The following GPC5 variants were observed in gnomAD, a reference collection of about 807,000 sequenced individuals.
GPC5 encodes the protein glypican 5.
Under a neutral mutation model 53.9 loss-of-function variants are expected in GPC5, and 47 were observed. The ratio of observed to expected loss-of-function variants is 0.87; its 90% confidence interval spans 0.69 to 1.11. The LOEUF (loss-of-function observed/expected upper bound fraction) is 1.11. GPC5 is among the 50% of genes most tolerant of loss of function. GPC5 has a pLI of 0.00. For synonymous variants in GPC5, 286 were observed against 263.3 expected, an observed-to-expected ratio of 1.09 and a Z score of -0.84; for missense variants, 748 against 713.1, an observed-to-expected ratio of 1.05 and a Z score of -0.56.
At chr13:92,765,451 A>G (rs1007450463) in intron 7 of GPC5, among the ~76,000 whole-genome samples, 8 of 152,230 alleles carry the variant, frequency 5.3e-5, no homozygotes, top group African/African-American at 1.7e-4. Context: ...GTTTTGTTCT[A>G]CTAAAAAGAA....
At chr13:91,933,607 G>A (rs764729249) in intron 6 of GPC5, among the ~76,000 whole-genome samples, 26 of 151,852 alleles carry the variant, frequency 1.7e-4, no homozygotes, top group Admixed American at 1.3e-3. Context: ...TATGCCACAC[G>A]TCCAAGTTTT....
At chr13:92,618,753 G>T (rs1211456848) in intron 7 of GPC5, among the ~76,000 whole-genome samples, 1 of 148,942 alleles carries the variant, frequency 6.7e-6, no homozygotes, top group Non-Finnish European at 1.5e-5. Flanking sequence ...TGATTAGATT[G>T]ACCACTAACA....
At chr13:92,715,241 A>G (rs1405375057) in intron 7 of GPC5, among the ~76,000 whole-genome samples, 6 of 152,324 alleles carry the variant, frequency 3.9e-5, no homozygotes, top group East Asian at 3.9e-4. Context: ...CGTCTTTTCT[A>G]TGAGAGTGTG....
chr13:91,828,362 GGT>G (rs2038606940), intron 5 of GPC5, among the ~76,000 whole-genome samples: 2 of 151,346 alleles, frequency 1.3e-5, no homozygotes, highest in South Asian at 4.2e-4. Context: ...TAGGTAGGTA[GGT>G]AGGTAGGTAG....
intron 5 of GPC5, among the ~76,000 whole-genome samples, chr13:91,887,602 T>G (rs754179541): frequency 2.0e-5 from 3 of 152,184 alleles, no homozygotes; most frequent in Non-Finnish European, 4.4e-5. Context: ...CTTTGCCACT[T>G]AGAAATTTCT....
intron 7 of GPC5, among the ~76,000 whole-genome samples, chr13:92,646,664 G>T (rs910075824): frequency 1.3e-5 from 2 of 151,722 alleles, no homozygotes; most frequent in South Asian, 2.1e-4. Flanking sequence ...TCCCTCCATT[G>T]CTTTATTTGC....
At chr13:92,047,340 T>C (rs2040990289) in intron 6 of GPC5, among the ~76,000 whole-genome samples, 1 of 152,044 alleles carries the variant, frequency 6.6e-6, no homozygotes, top group Non-Finnish European at 1.5e-5. Flanking sequence ...AGGAGATGGG[T>C]TCCAGTAATG....
chr13:92,859,122 G>A (rs1397067161), intron 7 of GPC5, among the ~76,000 whole-genome samples: 13 of 152,012 alleles, frequency 8.6e-5, no homozygotes, highest in Admixed American at 8.5e-4. Flanking sequence ...GGTGGCATGT[G>A]ACTGTAGCCC....
chr13:91,457,282 G>A (rs1239875202), intron 2 of GPC5, among the ~76,000 whole-genome samples: 1 of 151,848 alleles, frequency 6.6e-6, no homozygotes, highest in African/African-American at 2.4e-5. Flanking sequence ...CTTATGGTTT[G>A]TTTTTTCAAG....
chr13:91,785,998 TTTTC>T lies in GPC5; in HGVS notation c.1280+29586_1280+29589del, dbSNP rs547381888. ...ACTCTCTACTACAATGATTCAAAGT[TTTTC>T]TTTCTTTTTTTTGAGACCAAGTCTC... On this transcript the variant is annotated intron_variant, in intron 5 of 7. Transcript: ENST00000377067. Among the ~76,000 whole-genome samples the T allele has an allele frequency of 4.5e-3, 681 of 152,138 alleles. 4 individuals are homozygous for T. The highest frequency in any genetic ancestry group is 0.016 in the African/African-American group (656 of 41,508).
chr13:92,345,285 T>C (rs1377446183), intron 7 of GPC5, among the ~76,000 whole-genome samples: 1 of 152,214 alleles, frequency 6.6e-6, no homozygotes, highest in Non-Finnish European at 1.5e-5. Context: ...ATAATGACTG[T>C]TCTGGCATTT....
chr13:92,187,024 A>G (rs188731716), intron 7 of GPC5, among the ~76,000 whole-genome samples: 2 of 151,980 alleles, frequency 1.3e-5, no homozygotes, highest in Admixed American at 1.3e-4. Context: ...AGGTAGGAGG[A>G]TCGCTTGAAC....
chr13:92,361,621 G>C (rs767643435), intron 7 of GPC5, among the ~76,000 whole-genome samples: 8 of 151,560 alleles, frequency 5.3e-5, no homozygotes, highest in African/African-American at 2.0e-4. Context: ...TGGGTTTGGA[G>C]GATCAACCAT....
intron 6 of GPC5, among the ~76,000 whole-genome samples, chr13:91,946,766 C>A (rs1302626509): frequency 1.3e-5 from 2 of 151,716 alleles, no homozygotes; most frequent in African/African-American, 4.8e-5. Context: ...TTATAGATAA[C>A]GAGAAAAAAA....
intron 2 of GPC5, among the ~76,000 whole-genome samples, chr13:91,472,091 C>T (rs972683161): frequency 2.6e-5 from 4 of 152,094 alleles, no homozygotes; most frequent in Non-Finnish European, 4.4e-5. Flanking sequence ...TGCAATAGGT[C>T]TTGTTTCCAG....
chr13:91,868,113 A>T (rs556208406), intron 5 of GPC5, among the ~76,000 whole-genome samples: 22 of 152,220 alleles, frequency 1.4e-4, no homozygotes, highest in Non-Finnish European at 2.8e-4. Context: ...GAAGAGTAGG[A>T]TACAAGAGAT....
At chr13:92,423,979 A>T (rs911241513) in intron 7 of GPC5, among the ~76,000 whole-genome samples, 16 of 150,788 alleles carry the variant, frequency 1.1e-4, no homozygotes, top group Non-Finnish European at 1.9e-4. Context: ...ATATCAAATT[A>T]ATATTTCTGC....
chr13:91,453,049 C>G (rs12876030), intron 2 of GPC5, among the ~76,000 whole-genome samples: 1 of 150,722 alleles, frequency 6.6e-6, no homozygotes, highest in Admixed American at 6.6e-5. Flanking sequence ...TTGCTAGAGT[C>G]TAAGTGACAT....
chr13:92,560,589 G>A (rs138675683), intron 7 of GPC5, among the ~76,000 whole-genome samples: 3 of 151,978 alleles, frequency 2.0e-5, no homozygotes, highest in Non-Finnish European at 2.9e-5. Context: ...CCATATCCCC[G>A]GCATATACAT....
Sources: gnomAD v4.1 joint callset for allele counts (sites outside exome capture counted in the v4.1 genomes callset) on GRCh38, gnomAD v4.1.1 for gene constraint, MANE v1.5 for transcripts, NCBI Gene and HGNC (gene_info 2026-07-23, HGNC 2026-07-21) for gene names.